MSRB3: variants seen among roughly 807,000 people sequenced by gnomAD.
MSRB3 encodes methionine sulfoxide reductase B3.
A neutral mutation model predicts 21.0 loss-of-function variants in MSRB3; 13 were observed. The ratio of observed to expected loss-of-function variants is 0.62; its 90% confidence interval spans 0.40 to 0.98. The LOEUF is 0.98. MSRB3 is among the 50% of genes least tolerant of loss of function. MSRB3 has a pLI of 0.00. For missense variants in MSRB3, 199 were observed against 230.3 expected (o/e 0.86, Z 0.88); for synonymous variants, 87 against 88.6 (o/e 0.98, Z 0.10).
intron 1 of MSRB3, among the ~76,000 whole-genome samples, chr12:65,288,271 C>T (rs1872499072): frequency 6.6e-6 from 1 of 150,526 alleles, no homozygotes; most frequent in South Asian, 2.1e-4. Context: ...CCACAGCACT[C>T]CAGCCTGGCA....
intron 4 of MSRB3, among the ~76,000 whole-genome samples, chr12:65,346,126 T>C: frequency 6.6e-6 from 1 of 152,142 alleles, no homozygotes. Flanking sequence ...GGTCAAATGG[T>C]ATTTCTAGTT....
At position 65,406,931 on chromosome 12, in the gene MSRB3, G is replaced by A. The variant is rs116714742; in HGVS notation, c.292+37905G>A. On this transcript the variant is annotated intron_variant, in intron 5 of 6. Transcript: ENST00000308259. ...ATCTTGGAAGCAGAGAGAGCCAGCC[G>A]TCATTAGAAATTGAATCTGCCAGTG... 3.4e-3 allele frequency among the ~76,000 whole-genome samples: 522 copies of A among 152,264 alleles called. 1 individual carries two copies. The highest frequency in any genetic ancestry group is 0.012 in the African/African-American group (481 of 41,550).
chr12:65,444,520 T>C (rs920110138), intron 5 of MSRB3, among the ~76,000 whole-genome samples: 17 of 152,166 alleles, frequency 1.1e-4, no homozygotes, highest in Non-Finnish European at 2.5e-4. Context: ...GAAAGTAATA[T>C]TGTAACATTT....
At chr12:65,310,994 C>T (rs1873952342) in intron 2 of MSRB3, among the ~76,000 whole-genome samples, 1 of 152,134 alleles carries the variant, frequency 6.6e-6, no homozygotes, top group Non-Finnish European at 1.5e-5. Context: ...TATGTCTTCA[C>T]TATGTTCAAT....
intron 2 of MSRB3, among the ~76,000 whole-genome samples, chr12:65,309,444 A>G (rs11175721): frequency 0.16 from 24,368 of 152,158 alleles, 5,672 homozygotes; most frequent in African/African-American, 0.51. Context: ...TTAACTATGC[A>G]TGCCAGGCAT....
intron 5 of MSRB3, among the ~76,000 whole-genome samples, chr12:65,405,317 C>G (rs966714522): frequency 5.9e-5 from 9 of 152,044 alleles, no homozygotes; most frequent in African/African-American, 1.7e-4. Flanking sequence ...CAGTATTTGT[C>G]TTTCCATTCC....
intron 5 of MSRB3, among the ~76,000 whole-genome samples, chr12:65,380,167 A>G (rs905994901): frequency 7.2e-5 from 11 of 152,324 alleles, no homozygotes; most frequent in African/African-American, 2.4e-4. Flanking sequence ...ATATGGATAG[A>G]TATAAATAAA....
At chr12:65,413,746 T>C (rs1880832247) in intron 5 of MSRB3, among the ~76,000 whole-genome samples, 1 of 152,068 alleles carries the variant, frequency 6.6e-6, no homozygotes, top group Non-Finnish European at 1.5e-5. Flanking sequence ...ATACTAAATA[T>C]CTACATTTTA....
chr12:65,408,052 G>T lies in MSRB3; in HGVS notation c.292+39026G>T, dbSNP rs533780214. ...CTCTGTCCTATCTGAGTCTGGTTCT[G>T]ATGCTTGCTCTATCTCTTCAAAATG... is the stretch of plus-strand genomic sequence containing the variant. On this transcript the variant is annotated intron_variant, in intron 5 of 6. Transcript: ENST00000308259. Among the ~76,000 whole-genome samples the T allele has an allele frequency of 1.6e-3, 244 of 151,772 alleles. 1 individual carries two copies. The highest frequency in any genetic ancestry group is 5.8e-3 in the African/African-American group (241 of 41,380).
intron 1 of MSRB3, among the ~76,000 whole-genome samples, chr12:65,292,729 C>T (rs1468399938): frequency 1.3e-5 from 2 of 152,010 alleles, no homozygotes; most frequent in Admixed American, 1.3e-4. Context: ...TGAGCAGCAG[C>T]CCTGAGGTAA....
At chr12:65,402,945 G>A (rs1472921800) in intron 5 of MSRB3, among the ~76,000 whole-genome samples, 1 of 152,218 alleles carries the variant, frequency 6.6e-6, no homozygotes, top group Non-Finnish European at 1.5e-5. Context: ...CTGCAGAACA[G>A]CAAAGATTGC....
intron 1 of MSRB3, among the ~76,000 whole-genome samples, chr12:65,300,671 A>G (rs906065903): frequency 3.3e-5 from 5 of 152,162 alleles, no homozygotes; most frequent in African/African-American, 9.6e-5. Context: ...CCAAATCCCA[A>G]TGGTTTAAAA....
At chr12:65,279,214 C>A in intron 1 of MSRB3, 2 of 443,806 alleles carry the variant, frequency 4.5e-6, no homozygotes, top group Non-Finnish European at 6.9e-6. Flanking sequence ...GGCGGGGCAG[C>A]CCGCGGGAGG....
At chr12:65,329,775 C>T (rs531950380) in intron 4 of MSRB3, among the ~76,000 whole-genome samples, 1 of 152,232 alleles carries the variant, frequency 6.6e-6, no homozygotes, top group Admixed American at 6.5e-5. Flanking sequence ...AAATGTTTCT[C>T]TTTTAAAAAA....
intron 6 of MSRB3, among the ~76,000 whole-genome samples, chr12:65,459,695 GA>G (rs1450878320): frequency 6.6e-6 from 1 of 152,146 alleles, no homozygotes; most frequent in African/African-American, 2.4e-5. Flanking sequence ...AAGAGAAAAT[GA>G]CAATAATAAA....
At chr12:65,397,228 C>A (rs1879866472) in intron 5 of MSRB3, among the ~76,000 whole-genome samples, 1 of 152,062 alleles carries the variant, frequency 6.6e-6, no homozygotes, top group Admixed American at 6.6e-5. Context: ...ATCTTCATTC[C>A]TTTCATTTTT....
chr12:65,405,579 G>C (rs7300522), intron 5 of MSRB3, among the ~76,000 whole-genome samples: 99,363 of 151,920 alleles, frequency 0.65, 32,626 homozygotes, highest in Admixed American at 0.72. Context: ...TCAACATACT[G>C]ACTTCATATT....
intron 4 of MSRB3, chr12:65,344,236 G>T (rs1330350839): frequency 6.6e-6 from 1 of 152,008 alleles, no homozygotes; most frequent in Non-Finnish European, 1.5e-5. Context: ...GATCTATTAG[G>T]TAAGTACTCC....
At chr12:65,318,567 A>G (rs1223550627) in intron 2 of MSRB3, among the ~76,000 whole-genome samples, 1 of 152,208 alleles carries the variant, frequency 6.6e-6, no homozygotes, top group East Asian at 1.9e-4. Flanking sequence ...AATTAAAAAC[A>G]GGGAACTCCA....
Sources: allele counts gnomAD v4.1 joint callset (sites outside exome capture counted in the v4.1 genomes callset), GRCh38; gene constraint gnomAD v4.1.1; transcripts MANE v1.5; gene names NCBI Gene and HGNC (gene_info 2026-07-23, HGNC 2026-07-21).